The following ASIC2 variants were observed in gnomAD, a reference collection of about 807,000 sequenced individuals.
ASIC2 encodes the protein acid-sensing ion channel 2.
A neutral mutation model predicts 57.3 loss-of-function variants in ASIC2; 25 were observed. That is an observed-to-expected ratio of 0.44 (90% CI 0.32 to 0.61). ASIC2 has a LOEUF of 0.61. ASIC2 is among the 20% of genes least tolerant of loss of function. The pLI, the probability that ASIC2 is intolerant of heterozygous loss-of-function variation, is 0.06. For missense variants in ASIC2, 641 were observed against 738.1 expected (o/e 0.87, Z 1.52); for synonymous variants, 319 against 307.5 (o/e 1.04, Z -0.39).
intron 1 of ASIC2, among the ~76,000 whole-genome samples, chr17:33,492,665 T>G (rs1439643294): frequency 1.3e-5 from 2 of 152,192 alleles, no homozygotes; most frequent in East Asian, 3.9e-4. Flanking sequence ...GTGAGGATTC[T>G]GGGGATTGTG....
chr17:33,734,922 C>A (rs1909864170), intron 1 of ASIC2, among the ~76,000 whole-genome samples: 1 of 152,172 alleles, frequency 6.6e-6, no homozygotes, highest in Non-Finnish European at 1.5e-5. Context: ...ATTATGGCAA[C>A]TCAAGTAGAG....
chr17:33,289,833 C>CGAGG (rs1480633478), intron 1 of ASIC2, among the ~76,000 whole-genome samples: 1 of 152,126 alleles, frequency 6.6e-6, no homozygotes, highest in African/African-American at 2.4e-5. Flanking sequence ...GGAGCAGGAG[C>CGAGG]GAGGGCCTGT....
intron 1 of ASIC2, among the ~76,000 whole-genome samples, chr17:33,815,294 C>T (rs1330629385): frequency 1.3e-5 from 2 of 152,194 alleles, no homozygotes; most frequent in East Asian, 3.9e-4. Flanking sequence ...GTGGAGTCTA[C>T]CCACTGGGTA....
At chr17:33,616,811 A>C (rs898350291) in intron 1 of ASIC2, among the ~76,000 whole-genome samples, 1 of 152,244 alleles carries the variant, frequency 6.6e-6, no homozygotes, top group Non-Finnish European at 1.5e-5. Flanking sequence ...CTTTAGCAGC[A>C]GTTGTGTGGG....
chr17:33,426,335 T>A (rs1266419976), intron 1 of ASIC2, among the ~76,000 whole-genome samples: 3 of 152,160 alleles, frequency 2.0e-5, no homozygotes, highest in Non-Finnish European at 4.4e-5. Flanking sequence ...ACGTGAATGC[T>A]CATAATGAGA....
chr17:33,290,250 T>G (rs946530616), intron 1 of ASIC2, among the ~76,000 whole-genome samples: 1 of 152,258 alleles, frequency 6.6e-6, no homozygotes, highest in African/African-American at 2.4e-5. Context: ...CAACACTTGT[T>G]GGAACCGTGG....
intron 1 of ASIC2, among the ~76,000 whole-genome samples, chr17:33,323,544 T>A (rs1240231830): frequency 6.6e-6 from 1 of 152,146 alleles, no homozygotes; most frequent in Non-Finnish European, 1.5e-5. Flanking sequence ...GAAACCCCTG[T>A]CTCTACTAAA....
At chr17:33,988,976 T>G (rs1437483657) in intron 1 of ASIC2, among the ~76,000 whole-genome samples, 3 of 152,110 alleles carry the variant, frequency 2.0e-5, no homozygotes, top group Admixed American at 2.0e-4. Flanking sequence ...TCCACTTCTA[T>G]GCCCCTCCTC....
chr17:33,318,710 T>C (rs991896279), intron 1 of ASIC2, among the ~76,000 whole-genome samples: 4 of 152,288 alleles, frequency 2.6e-5, no homozygotes, highest in Admixed American at 1.3e-4. Context: ...GGAGGTGCCC[T>C]GTGGAGGGTC....
chr17:33,876,290 G>A (rs904895311), intron 1 of ASIC2, among the ~76,000 whole-genome samples: 5 of 152,186 alleles, frequency 3.3e-5, no homozygotes, highest in African/African-American at 7.2e-5. Context: ...GAGTCTTAGT[G>A]TCACCCACAT....
chr17:33,799,984 G>A (rs993267350), intron 1 of ASIC2, among the ~76,000 whole-genome samples: 1 of 152,124 alleles, frequency 6.6e-6, no homozygotes, highest in African/African-American at 2.4e-5. Flanking sequence ...GCTCTCACTA[G>A]GTGCTTCCTT....
chr17:33,907,187 T>C (rs988770110), intron 1 of ASIC2, among the ~76,000 whole-genome samples: 2 of 152,196 alleles, frequency 1.3e-5, no homozygotes, highest in Non-Finnish European at 2.9e-5. Flanking sequence ...GCGGAGGTCC[T>C]GTTTTATGCC....
At chr17:33,749,707 G>T (rs974277555) in intron 1 of ASIC2, among the ~76,000 whole-genome samples, 1 of 152,082 alleles carries the variant, frequency 6.6e-6, no homozygotes, top group African/African-American at 2.4e-5. Context: ...GCCCCGGCCT[G>T]ACACAGCCTC....
chr17:33,148,260 T>C (rs1471210067), intron 1 of ASIC2, among the ~76,000 whole-genome samples: 1 of 152,196 alleles, frequency 6.6e-6, no homozygotes, highest in Admixed American at 6.5e-5. Context: ...TACCATATGC[T>C]ACCCACATAA....
chr17:33,164,220 C>T (rs1567769321), intron 1 of ASIC2, among the ~76,000 whole-genome samples: 1 of 152,308 alleles, frequency 6.6e-6, no homozygotes, highest in East Asian at 1.9e-4. Flanking sequence ...GATCCCCTCC[C>T]TTCTCTTCCT....
At chr17:33,405,728 C>T (rs12936220) in intron 1 of ASIC2, among the ~76,000 whole-genome samples, 41,420 of 151,932 alleles carry the variant, frequency 0.27, 6,849 homozygotes, top group Non-Finnish European at 0.36. Context: ...GTGATCCACC[C>T]GCCTTGGCCT....
At position 33,014,077 on chromosome 17, in the gene ASIC2, A is replaced by G; in HGVS notation, c.1591-11T>C. The stretch of plus-strand genomic sequence containing the variant: ...TGTGTCACAAGTACTCTGGAAGGGA[A>G]GGGTTGGTGGGAGTTTATTATTCGC... On this transcript the variant is annotated splice_polypyrimidine_tract_variant and intron_variant, in intron 9 of 9. Coordinates refer to ENST00000225823, the MANE Select transcript of ASIC2 (RefSeq NM_183377.2). The G allele has an allele frequency of 6.3e-7, 1 of 1,577,908 alleles. No individual in the cohort carries two copies. The highest frequency in any genetic ancestry group is 8.6e-7 in the Non-Finnish European group (1 of 1,158,376).
intron 1 of ASIC2, among the ~76,000 whole-genome samples, chr17:33,826,927 A>G (rs527986386): frequency 6.6e-6 from 1 of 151,686 alleles, no homozygotes; most frequent in Non-Finnish European, 1.5e-5. Flanking sequence ...ACTAAATTAC[A>G]TGGCATAGAG....
At chr17:33,227,521 G>A (rs1907934872) in intron 1 of ASIC2, among the ~76,000 whole-genome samples, 1 of 152,248 alleles carries the variant, frequency 6.6e-6, no homozygotes, top group Non-Finnish European at 1.5e-5. Context: ...AGGAGAGTGA[G>A]GAACTGGGCT....
Sources: gnomAD v4.1 joint callset for allele counts (sites outside exome capture counted in the v4.1 genomes callset) on GRCh38, gnomAD v4.1.1 for gene constraint, MANE v1.5 for transcripts, NCBI Gene and HGNC (gene_info 2026-07-23, HGNC 2026-07-21) for gene names.